Variants in AZU1 observed in about 807,000 individuals in gnomAD.
The protein encoded by AZU1 is azurocidin 1, also known as azurocidin.
In AZU1, 21 loss-of-function variants were observed where a neutral mutation model predicts 17.8. That is an observed-to-expected ratio of 1.18 (90% CI 0.84 to 1.70). The LOEUF is 1.70. AZU1 is among the 40% of genes most tolerant of loss of function. The pLI, the probability that AZU1 is intolerant of heterozygous loss-of-function variation, is 0.00. For synonymous variants in AZU1, 178 were observed against 155.2 expected, an observed-to-expected ratio of 1.15 and a Z score of -1.09; for missense variants, 379 against 362.9, an observed-to-expected ratio of 1.04 and a Z score of -0.36.
rs758299163 is a variant in AZU1 at position 828,363 on chromosome 19, C to G, written c.192C>G (p.Thr64=). ...GALIHARFVM[T]AASCFQSQNP... ...TGATCCATGCCCGCTTCGTGATGAC[C>G]GCGGCCAGCTGCTTCCAAAGCCAGT... The change falls in exon 2 of 5, where the codon ACC becomes ACG. Residue 64 remains threonine, a synonymous_variant. Coordinates refer to ENST00000233997, the MANE Select transcript of AZU1 (RefSeq NM_001700.5). The G allele has an allele frequency of 6.3e-7, 1 of 1,593,706 alleles. No homozygotes were observed. The highest frequency in any genetic ancestry group is 1.1e-5 in the South Asian group (1 of 89,250).
chr19:830,707 G>A lies in AZU1; in HGVS notation c.361-1G>A, dbSNP rs1466732666. 3 of 1,560,384 alleles carry A rather than the reference G, an allele frequency of 1.9e-6. No individual in the cohort carries two copies. Among genetic ancestry groups the A allele is most frequent in the Non-Finnish European group, 2.6e-6 (3 of 1,157,152 alleles). On this transcript the variant is annotated splice_acceptor_variant, in intron 3 of 4. Transcript: ENST00000233997. LOFTEE classifies it high-confidence loss of function. The stretch of plus-strand genomic sequence containing the variant: ...TCCCCTGACTCCATTTCCTTCCCCA[G>A]CTGGACCGTGAGGCCAACCTCACCA...
intron 2 of AZU1, among the ~76,000 whole-genome samples, chr19:828,814 G>A (rs2035247234): frequency 2.1e-5 from 3 of 141,694 alleles, no homozygotes; most frequent in Non-Finnish European, 3.1e-5. Flanking sequence ...AAGGGAAGGG[G>A]CTCAGATGGA....
At chr19:831,628 T>C in intron 4 of AZU1, 88 bp from the exon 5 acceptor site, 1 of 1,384,990 alleles carries the variant, frequency 7.2e-7, no homozygotes, top group Non-Finnish European at 9.6e-7. Flanking sequence ...GACTTGTAGG[T>C]TCCAGGGGCA....
At chr19:831,049 T>C in intron 4 of AZU1, 108 bp downstream of exon 4, 1 of 1,019,366 alleles carries the variant, frequency 9.8e-7, no homozygotes, top group Non-Finnish European at 1.4e-6. Flanking sequence ...GGCCCCAGGA[T>C]TGAGCATTTT....
chr19:829,736 G>C (rs1482923498), intron 3 of AZU1, 30 bp downstream of exon 3: 2 of 1,604,288 alleles, frequency 1.2e-6, no homozygotes, highest in Non-Finnish European at 8.5e-7. Flanking sequence ...TGTGATCCCA[G>C]CACCTCGGGA....
rs765179806 is a variant in AZU1, at chr19:828,373, TGCTTCCAAAGCCAGTGAG to T, written c.204_215+6del. On this transcript the variant is annotated splice_donor_variant and splice_donor_5th_base_variant and coding_sequence_variant and intron_variant, in exon 2 of 5. Coordinates refer to ENST00000233997, the MANE Select transcript of AZU1 (RefSeq NM_001700.5). LOFTEE classifies it high-confidence loss of function. ...CCGCTTCGTGATGACCGCGGCCAGC[TGCTTCCAAAGCCAGTGAG>T]GGGTCCTGGGGAGGGGGCCTAGGGG... is the stretch of plus-strand genomic sequence containing the variant. 7 of 1,580,760 alleles carry T rather than the reference TGCTTCCAAAGCCAGTGAG, an allele frequency of 4.4e-6. No individual in the cohort carries two copies. The Admixed American group carries it at 1.2e-4, about 28-fold the overall frequency.
chr19:828,527 C>T (rs377079085), intron 2 of AZU1, 141 bp downstream of exon 2: 2 of 904,886 alleles, frequency 2.2e-6, no homozygotes, highest in South Asian at 2.3e-5. Flanking sequence ...AAGGAGGGGG[C>T]TTGGAGAGGG....
Position 831,935 on chromosome 19 carries a change from C to A in AZU1, c.*58C>A. Reference sequence around the variant, plus strand: ...CGCCCTCCACACCTCCGGCGCTCCGCACCCACCTCCCACGGCCCCGCCCCT... The same window carrying A: ...CGCCCTCCACACCTCCGGCGCTCCGAACCCACCTCCCACGGCCCCGCCCCT... On this transcript the variant is annotated 3_prime_UTR_variant, in exon 5 of 5. Transcript: ENST00000233997. The A allele has an allele frequency of 6.4e-7, 1 of 1,553,980 alleles. No individual in the cohort carries two copies. Among genetic ancestry groups the A allele is most frequent in the Non-Finnish European group, 8.7e-7 (1 of 1,143,210 alleles).
intron 2 of AZU1, among the ~76,000 whole-genome samples, chr19:828,780 G>A (rs1237336552): frequency 7.6e-6 from 1 of 131,822 alleles, no homozygotes; most frequent in Non-Finnish European, 1.6e-5. Flanking sequence ...GAAGGGAAGG[G>A]GGTCAGATGG....
chr19:830,545 G>C (rs1000801998), intron 3 of AZU1, among the ~76,000 whole-genome samples, 163 bp from the exon 4 acceptor site: 2 of 152,226 alleles, frequency 1.3e-5, no homozygotes, highest in African/African-American at 4.8e-5. Flanking sequence ...CTCGCAACGT[G>C]CTGGGAATAC....
rs2035259331 is a variant in AZU1, at chr19:829,510, C to T, written c.216-52C>T. The T allele has an allele frequency of 3.1e-6, 5 of 1,595,276 alleles. No individual in the cohort carries two copies. In the Admixed American group the frequency reaches 6.7e-5, roughly 21 times the overall value. ...AATTTGCAAGCCGGCTTGCTCTGTG[C>T]CCAGGCCCCAGCCTGGTGTCCTCCC... is the stretch of plus-strand genomic sequence containing the variant. On this transcript the variant is annotated intron_variant, in intron 2 of 4. Coordinates refer to ENST00000233997, the MANE Select transcript of AZU1 (RefSeq NM_001700.5).
intron 3 of AZU1, among the ~76,000 whole-genome samples, chr19:830,470 G>A (rs2035273616): frequency 6.6e-6 from 1 of 152,072 alleles, no homozygotes; most frequent in Non-Finnish European, 1.5e-5. Flanking sequence ...GTAGAGACGG[G>A]GGTTTCACCT....
chr19:831,406 G>C, intron 4 of AZU1: 1 of 400,406 alleles, frequency 2.5e-6, no homozygotes, highest in South Asian at 5.0e-5. Flanking sequence ...AACGCCGGCT[G>C]TGAGCCACGT....
rs200732632 is a variant in AZU1, at chr19:828,230, G to T, written c.59G>T (p.Gly20Val). Residue 20 changes from glycine (G) to valine (V), a missense_variant and splice_region_variant, in exon 2 of 5, where the codon GGC (glycine) becomes GTC (valine). By Grantham distance (109) the Gly-to-Val change is moderately radical. Coordinates refer to ENST00000233997, the MANE Select transcript of AZU1 (RefSeq NM_001700.5). ...TCAGAGCTGTCTCCCCCCGACCCAG[G>T]CTCCAGCCCCCTTTTGGACATCGTT... is the stretch of plus-strand genomic sequence containing the variant. ...LAGLLASSRA[G>V]SSPLLDIVGG... 3.1e-6 allele frequency: 5 copies of T among 1,598,382 alleles called. No homozygotes were observed. The highest frequency in any genetic ancestry group is 2.7e-5 in the African/African-American group (2 of 74,044).
rs748806887 is a variant in AZU1, at chr19:831,820, G to A, written c.699G>A (p.Ala233=). Residue 233 remains alanine (A), a synonymous_variant, in exon 5 of 5, where the codon GCG becomes GCA. Coordinates refer to ENST00000233997, the MANE Select transcript of AZU1 (RefSeq NM_001700.5). ...GCCCTGACTTCTTCACCCGAGTGGC[G>A]CTCTTCCGAGACTGGATCGATGGTG... is the stretch of plus-strand genomic sequence containing the variant. The part of the protein sequence containing the change: ...GRGPDFFTRV[A]LFRDWIDGVL... The A allele has an allele frequency of 3.2e-5, 52 of 1,612,676 alleles. No homozygotes were observed. In the East Asian group the frequency reaches 5.8e-4, roughly 18 times the overall value.
chr19:828,791 G>A (rs1433165268), intron 2 of AZU1, among the ~76,000 whole-genome samples: 155 of 69,858 alleles, frequency 2.2e-3, no homozygotes, highest in East Asian at 2.8e-3. Flanking sequence ...GGTCAGATGG[G>A]GGAGGCCCAG....
chr19:829,789 C>T, intron 3 of AZU1, 83 bp downstream of exon 3: 1 of 1,501,650 alleles, frequency 6.7e-7, no homozygotes, highest in East Asian at 2.4e-5. Context: ...TTGGTCTCTA[C>T]AAAAAAATAC....
Position 831,954 on chromosome 19 carries a change from C to CGCCCCT in AZU1, c.*83_*88dup, listed in dbSNP as rs1203355095. The stretch of plus-strand genomic sequence containing the variant: ...GCTCCGCACCCACCTCCCACGGCCC[C>CGCCCCT]GCCCCTGCCCCCGCTCCGGCCAGAG... On this transcript the variant is annotated 3_prime_UTR_variant, in exon 5 of 5. Transcript: ENST00000233997. 3 of 1,488,082 alleles carry CGCCCCT rather than the reference C, an allele frequency of 2.0e-6. No individual in the cohort carries two copies. The East Asian group carries it at 6.9e-5, about 34-fold the overall frequency. 92.2% of individuals were successfully genotyped at this position (1,488,082 alleles called of 1,614,324 possible).
Position 827,842 on chromosome 19 carries a change from C to T in AZU1, c.-5C>T. 6.5e-7 allele frequency: 1 copy of T among 1,536,088 alleles called. No individual in the cohort carries two copies. Among genetic ancestry groups the T allele is most frequent in the Non-Finnish European group, 8.7e-7 (1 of 1,146,912 alleles). On this transcript the variant is annotated 5_prime_UTR_variant, in exon 1 of 5. Coordinates refer to ENST00000233997, the MANE Select transcript of AZU1 (RefSeq NM_001700.5). ...CCGCCGCCTTAGCCACAGACCTGCC[C>T]CGCCATGACCCGGCTGACAGTCCTG...
Sources: gnomAD v4.1 joint callset for allele counts (sites outside exome capture counted in the v4.1 genomes callset) on GRCh38, gnomAD v4.1.1 for gene constraint, MANE v1.5 for transcripts, NCBI Gene and HGNC (gene_info 2026-07-23, HGNC 2026-07-21) for gene names.